The following CEP162 variants were observed in gnomAD, a reference collection of about 807,000 sequenced individuals.
CEP162 encodes centrosomal protein 162, also known as centrosomal protein of 162 kDa.
A neutral mutation model predicts 169.2 loss-of-function variants in CEP162; 141 were observed. The observed-to-expected ratio is 0.83, with a 90% CI of 0.73 to 0.96. The LOEUF is 0.96. Ranked by LOEUF, CEP162 falls within the 40% of genes least tolerant of loss-of-function variation. The probability of loss-of-function intolerance (pLI) is 0.00; values close to 1 mark genes in which losing one functional copy is unlikely to be tolerated. For missense variants in CEP162, 1,600 were observed against 1,587.2 expected (o/e 1.01, Z -0.14); for synonymous variants, 540 against 526.4 (o/e 1.03, Z -0.35).
chr6:84,188,117 AAAAG>A (rs2099538039), intron 11 of CEP162, among the ~76,000 whole-genome samples: 1 of 152,122 alleles, frequency 6.6e-6, no homozygotes, highest in Admixed American at 6.5e-5. Flanking sequence ...AAAAAAAAAA[AAAAG>A]AGTGTCATCT....
At position 84,125,059 on chromosome 6, in the gene CEP162, C is replaced by A. The variant is rs751346110; in HGVS notation, c.*11G>T. The A allele has an allele frequency of 6.2e-7, 1 of 1,602,864 alleles. No homozygotes were observed. Among genetic ancestry groups the A allele is most frequent in the Non-Finnish European group, 8.5e-7 (1 of 1,171,248 alleles). On this transcript the variant is annotated 3_prime_UTR_variant, in exon 27 of 27. Coordinates refer to ENST00000403245, the MANE Select transcript of CEP162 (RefSeq NM_014895.4). ...CCTTTTAATAAGGTCATTATGAAAT[C>A]TGAATTTCTATTAATACTCTGGTGC...
At position 84,127,313 on chromosome 6, in the gene CEP162, TA is replaced by T. The variant is rs368325637; in HGVS notation, c.3871-802del. ...TGTTTTCTATGAAAACACCTATTAA[TA>T]ACAATAATACTAATACTAAAAAATC... On this transcript the variant is annotated intron_variant, in intron 25 of 26. Coordinates refer to ENST00000403245, the MANE Select transcript of CEP162 (RefSeq NM_014895.4). 3.1e-3 allele frequency among the ~76,000 whole-genome samples: 457 copies of T among 149,558 alleles called. 2 individuals carry two copies. The highest frequency in any genetic ancestry group is 0.011 in the African/African-American group (417 of 39,466).
chr6:84,219,359 T>G (rs949308141), intron 3 of CEP162: 1 of 366,472 alleles, frequency 2.7e-6, no homozygotes, highest in Non-Finnish European at 5.5e-6. Context: ...CTTCTTTTAC[T>G]AATCAAATCT....
rs116851831 is a variant in CEP162, at chr6:84,182,242, T to C, written c.1663+2945A>G. ...TGCTCACCCAGCATAACAACAGTTGTTTCTGGCTAAATCATTGCAAGCATT... is the reference window on the plus strand; with the variant it reads ...TGCTCACCCAGCATAACAACAGTTGCTTCTGGCTAAATCATTGCAAGCATT... On this transcript the variant is annotated intron_variant, in intron 13 of 26. Transcript: ENST00000403245. 3.9e-3 allele frequency among the ~76,000 whole-genome samples: 587 copies of C among 152,214 alleles called. 4 individuals carry two copies. The highest frequency in any genetic ancestry group is 6.2e-3 in the Non-Finnish European group (424 of 67,986).
intron 8 of CEP162, among the ~76,000 whole-genome samples, chr6:84,201,263 G>C (rs928983518): frequency 6.6e-6 from 1 of 150,466 alleles, no homozygotes; most frequent in Non-Finnish European, 1.5e-5. Context: ...GGGCAACAGA[G>C]CGAGAGTCTG....
chr6:84,215,185 C>T, intron 5 of CEP162, 97 bp downstream of exon 5: 2 of 567,224 alleles, frequency 3.5e-6, no homozygotes, highest in Non-Finnish European at 2.8e-6. Flanking sequence ...TTTAAGTTTG[C>T]CTGTTATAAT....
At chr6:84,220,012 G>C (rs2099553053) in intron 3 of CEP162, among the ~76,000 whole-genome samples, 1 of 152,126 alleles carries the variant, frequency 6.6e-6, no homozygotes, top group South Asian at 2.1e-4. Flanking sequence ...CTAATGGCAA[G>C]GAAGCATGAG....
intron 10 of CEP162, among the ~76,000 whole-genome samples, chr6:84,193,924 CAT>C (rs2099540971): frequency 6.6e-6 from 1 of 152,072 alleles, no homozygotes. Context: ...AATATCTATA[CAT>C]ACACACACGC....
chr6:84,214,491 G>A (rs867811076), intron 5 of CEP162, among the ~76,000 whole-genome samples: 5 of 152,032 alleles, frequency 3.3e-5, no homozygotes, highest in Admixed American at 6.6e-5. Context: ...TCATAAAACC[G>A]GAAGGCTAGC....
chr6:84,142,876 C>T (rs540811722), intron 25 of CEP162, among the ~76,000 whole-genome samples: 1 of 152,000 alleles, frequency 6.6e-6, no homozygotes, highest in African/African-American at 2.4e-5. Flanking sequence ...GCTTGCCTAA[C>T]CTGCATGTGT....
chr6:84,160,890 C>T lies in CEP162; in HGVS notation c.2703G>A (p.Gly901=). The T allele has an allele frequency of 6.2e-7, 1 of 1,611,974 alleles. No homozygotes were observed. Among genetic ancestry groups the T allele is most frequent in the Non-Finnish European group, 8.5e-7 (1 of 1,178,668 alleles). Reference sequence around the variant, plus strand: ...GTATCTTCTGCCGAATAGATGGATTCCCAGATTCAGCTTTCAGTTTCTCAA... The same window carrying T: ...GTATCTTCTGCCGAATAGATGGATTTCCAGATTCAGCTTTCAGTTTCTCAA... The part of the protein sequence containing the change: ...LEIEKLKAES[G]NPSIRQKIRL... The change falls in exon 21 of 27, where the codon GGG becomes GGA. Residue 901 remains glycine (G), a synonymous_variant. Transcript: ENST00000403245.
chr6:84,185,416 T>G lies in CEP162; in HGVS notation c.1434A>C (p.Glu478Asp), dbSNP rs768630440. Reference sequence around the variant, plus strand: ...GTACCTGTTTACCCATTACAGCCCCTTCTTCTTCAGAACTAAGTTGAGATC... The same window carrying G: ...GTACCTGTTTACCCATTACAGCCCCGTCTTCTTCAGAACTAAGTTGAGATC... ...TYRSQLSSEE[E>D]GAVMGKQVPY... The change falls in exon 13 of 27, where the codon GAA (glutamate) becomes GAC (aspartate). Residue 478 changes from glutamate (E) to aspartate (D), a missense_variant. By Grantham distance (45) the Glu-to-Asp change is conservative (BLOSUM62 2). Transcript: ENST00000403245. The G allele has an allele frequency of 6.2e-6, 10 of 1,613,368 alleles. No individual in the cohort carries two copies. The highest frequency in any genetic ancestry group is 8.5e-7 in the Non-Finnish European group (1 of 1,179,410).
At chr6:84,206,204 A>G (rs1257021552) in intron 6 of CEP162, among the ~76,000 whole-genome samples, 1 of 149,266 alleles carries the variant, frequency 6.7e-6, no homozygotes, top group African/African-American at 2.6e-5. Flanking sequence ...TTCTTCACAG[A>G]ATTGGAAAAA....
At chr6:84,161,994 C>A in intron 19 of CEP162, 85 bp from the exon 20 acceptor site, 1 of 818,826 alleles carries the variant, frequency 1.2e-6, no homozygotes, top group South Asian at 1.9e-5. Flanking sequence ...AAATGAAAAC[C>A]AATGCCCATC....
At position 84,197,678 on chromosome 6, in the gene CEP162, G is replaced by A. The variant is rs559011105; in HGVS notation, c.836-2603C>T. ...AAAAAAATACAAAAATTAGCCAGGC[G>A]TGGTGGGGTGCACCTGTAATCCCAG... On this transcript the variant is annotated intron_variant, in intron 9 of 26. Transcript: ENST00000403245. Among the ~76,000 whole-genome samples, 16 of 152,104 alleles carry A rather than the reference G, an allele frequency of 1.1e-4. No homozygotes were observed. The South Asian group carries it at 2.1e-3, about 20-fold the overall frequency.
At chr6:84,165,642 T>C (rs962463693) in intron 18 of CEP162, among the ~76,000 whole-genome samples, 4 of 152,128 alleles carry the variant, frequency 2.6e-5, no homozygotes, top group African/African-American at 9.7e-5. Context: ...ACTAAGTGCA[T>C]GGCATGTATT....
chr6:84,167,941 C>A (rs1190332937), intron 18 of CEP162, among the ~76,000 whole-genome samples: 1 of 152,126 alleles, frequency 6.6e-6, no homozygotes, highest in Non-Finnish European at 1.5e-5. Flanking sequence ...CTCTTGGTTA[C>A]TAAACTTACT....
chr6:84,188,304 G>A (rs1409434865), intron 11 of CEP162, among the ~76,000 whole-genome samples: 3 of 151,834 alleles, frequency 2.0e-5, no homozygotes, highest in African/African-American at 4.8e-5. Context: ...TATTGTTCAC[G>A]GGGATTTGGT....
intron 18 of CEP162, 131 bp from the exon 19 acceptor site, chr6:84,163,401 C>T: frequency 1.5e-6 from 1 of 664,380 alleles, no homozygotes; most frequent in Middle Eastern, 4.2e-4. Context: ...GATGTTATTA[C>T]TACCACCTGC....
Sources: gnomAD v4.1 joint callset for allele counts (sites outside exome capture counted in the v4.1 genomes callset) on GRCh38, gnomAD v4.1.1 for gene constraint, MANE v1.5 for transcripts, NCBI Gene and HGNC (gene_info 2026-07-23, HGNC 2026-07-21) for gene names.